CNGA1: variants seen among roughly 807,000 people sequenced by gnomAD.
The protein encoded by CNGA1 is cyclic nucleotide-gated channel alpha-1.
Under a neutral mutation model 69.7 loss-of-function variants are expected in CNGA1, and 53 were observed. The ratio of observed to expected loss-of-function variants is 0.76; its 90% CI spans 0.61 to 0.96. CNGA1 has a LOEUF of 0.96. Among genes scored for constraint, CNGA1 ranks in the 40% least tolerant of loss-of-function variants. The pLI is 0.00. For missense variants in CNGA1, 739 were observed against 811.2 expected (o/e 0.91, Z 1.08); for synonymous variants, 249 against 283.5 (o/e 0.88, Z 1.22).
At chr4:48,013,163 G>T (rs754449148) in intron 1 of CNGA1, among the ~76,000 whole-genome samples, 1 of 152,142 alleles carries the variant, frequency 6.6e-6, no homozygotes, top group African/African-American at 2.4e-5. Flanking sequence ...TTGTCCTATT[G>T]GTTTGAGCTG....
At chr4:47,938,632 C>T (rs542259423) in intron 10 of CNGA1, among the ~76,000 whole-genome samples, 184 of 152,236 alleles carry the variant, frequency 1.2e-3, no homozygotes, top group Non-Finnish European at 2.0e-3. Context: ...ACCTCGTGAT[C>T]CACCTGCCTT....
intron 2 of CNGA1, among the ~76,000 whole-genome samples, chr4:48,006,418 C>T (rs372090588): frequency 4.6e-5 from 7 of 151,976 alleles, no homozygotes; most frequent in African/African-American, 7.3e-5. Flanking sequence ...TACACTAAGT[C>T]GTATCAGAAT....
chr4:48,012,955 C>CA (rs1209066560), intron 1 of CNGA1: 2,094 of 146,374 alleles, frequency 0.014, 37 homozygotes, highest in African/African-American at 0.049. Flanking sequence ...CAAAACAAAA[C>CA]AAAAAAAAAA....
At chr4:47,992,657 A>ATTATTCAT (rs1742320256) in intron 2 of CNGA1, among the ~76,000 whole-genome samples, 1 of 145,256 alleles carries the variant, frequency 6.9e-6, no homozygotes, top group Non-Finnish European at 1.5e-5. Flanking sequence ...GATGCCATTT[A>ATTATTCAT]TTATTTATTT....
chr4:47,958,712 T>C (rs937540371), intron 3 of CNGA1, among the ~76,000 whole-genome samples: 2 of 152,048 alleles, frequency 1.3e-5, no homozygotes, highest in Non-Finnish European at 2.9e-5. Flanking sequence ...CGTCTACCTC[T>C]CTACACACTG....
At chr4:47,996,076 T>A (rs1742466818) in intron 2 of CNGA1, among the ~76,000 whole-genome samples, 1 of 152,192 alleles carries the variant, frequency 6.6e-6, no homozygotes, top group Admixed American at 6.6e-5. Flanking sequence ...ATCCACTTCC[T>A]TCAGAGAGGT....
At position 47,950,040 on chromosome 4, in the gene CNGA1, T is replaced by C; in HGVS notation, c.225-145A>G. The stretch of plus-strand genomic sequence containing the variant: ...GTAGATGATAGATATTTCAAAAACA[T>C]ATTATGAAGCATAAAGCATAAAAGT... On this transcript the variant is annotated intron_variant, in intron 5 of 10. Transcript: ENST00000514170. The C allele has an allele frequency of 4.2e-6, 3 of 712,940 alleles. No homozygotes were observed. In the South Asian group the frequency reaches 5.1e-5, roughly 12 times the overall value. 44.2% of individuals were successfully genotyped at this position (712,940 alleles called of 1,614,324 possible). A position where few individuals can be genotyped will look rare whatever the true frequency, so the allele number is the denominator to read the frequency against.
At chr4:48,000,187 A>G (rs559948523) in intron 2 of CNGA1, among the ~76,000 whole-genome samples, 8 of 152,154 alleles carry the variant, frequency 5.3e-5, no homozygotes, top group Non-Finnish European at 1.0e-4. Flanking sequence ...TTGGATCAAC[A>G]TGTGTAATTG....
intron 3 of CNGA1, among the ~76,000 whole-genome samples, chr4:47,960,064 C>A (rs966442217): frequency 6.6e-6 from 1 of 151,966 alleles, no homozygotes; most frequent in African/African-American, 2.4e-5. Context: ...AAATTTTATG[C>A]AAATCAACCA....
Position 47,937,417 on chromosome 4 carries a change from A to T in CNGA1, c.1065T>A (p.Thr355=). The T allele has an allele frequency of 6.2e-7, 1 of 1,614,210 alleles. No homozygotes were observed. Among genetic ancestry groups the T allele is most frequent in the Non-Finnish European group, 8.5e-7 (1 of 1,180,038 alleles). ...GGGGTGTTTCACCAATGGTAGTCAAAGTCAGTGTAGACCAGTAAAGGCTGT... is the reference window on the plus strand; with the variant it reads ...GGGGTGTTTCACCAATGGTAGTCAATGTCAGTGTAGACCAGTAAAGGCTGT... ...YVYSLYWSTL[T]LTTIGETPPP... Residue 355 remains threonine (T), a synonymous_variant, in exon 11 of 11, where the codon ACT becomes ACA. Transcript: ENST00000514170.
chr4:47,940,888 T>TAA lies in CNGA1; in HGVS notation c.546-20_546-19insTT. 3 of 1,511,848 alleles carry TAA rather than the reference T, an allele frequency of 2.0e-6. No homozygotes were observed. In the South Asian group the frequency reaches 3.5e-5, roughly 18 times the overall value. The allele number at this position is 1,511,848 out of a possible 1,614,324, so 93.7% of individuals were successfully genotyped here. A position where few individuals can be genotyped will look rare whatever the true frequency, so the allele number is the denominator to read the frequency against. ...ACATGCTCTATAAAAAAAGAAACAC[T>TAA]TGTATAAATAAAAAAGAAATGGGGG... On this transcript the variant is annotated intron_variant, in intron 9 of 10. Transcript: ENST00000514170.
intron 6 of CNGA1, among the ~76,000 whole-genome samples, chr4:47,946,963 T>C (rs1213122324): frequency 6.6e-6 from 1 of 152,138 alleles, no homozygotes; most frequent in African/African-American, 2.4e-5. Context: ...TTTGTATTTT[T>C]AGTAGAAATG....
At chr4:48,005,080 C>A (rs911084061) in intron 2 of CNGA1, among the ~76,000 whole-genome samples, 1 of 151,122 alleles carries the variant, frequency 6.6e-6, no homozygotes, top group Non-Finnish European at 1.5e-5. Flanking sequence ...AAAGACAAAT[C>A]GTGGTTGGAC....
intron 3 of CNGA1, among the ~76,000 whole-genome samples, chr4:47,976,235 A>G (rs1210281410): frequency 1.0e-4 from 6 of 59,308 alleles, no homozygotes; most frequent in Admixed American, 2.1e-4. Flanking sequence ...ATATATACAT[A>G]TATATGTATA....
chr4:47,949,825 A>G lies in CNGA1; in HGVS notation c.287+8T>C, dbSNP rs751790836. ...AAAACTTTGGTTTTCTATTGTAAAT[A>G]TACTTACTGGTCCTTATTGCTGCTG... On this transcript the variant is annotated splice_region_variant and intron_variant, in intron 6 of 10. Coordinates refer to ENST00000514170, the MANE Select transcript of CNGA1 (RefSeq NM_001379270.1). 1.9e-6 allele frequency: 3 copies of G among 1,612,766 alleles called. No individual in the cohort carries two copies. Among genetic ancestry groups the G allele is most frequent in the Non-Finnish European group, 2.5e-6 (3 of 1,178,826 alleles).
intron 1 of CNGA1, among the ~76,000 whole-genome samples, chr4:48,014,050 C>G (rs1560318745): frequency 6.6e-6 from 1 of 152,192 alleles, no homozygotes; most frequent in African/African-American, 2.4e-5. Context: ...TCTAAGTGTC[C>G]TAGCACAAAG....
chr4:47,966,830 A>G (rs2110189035), intron 3 of CNGA1, among the ~76,000 whole-genome samples: 1 of 152,376 alleles, frequency 6.6e-6, no homozygotes, highest in African/African-American at 2.4e-5. Context: ...AAGATTCACA[A>G]TAATAATGAC....
At chr4:47,974,890 A>G (rs937773079) in intron 3 of CNGA1, among the ~76,000 whole-genome samples, 1 of 152,088 alleles carries the variant, frequency 6.6e-6, no homozygotes, top group Non-Finnish European at 1.5e-5. Flanking sequence ...TGACAAAAAA[A>G]TCTTTCTGAG....
chr4:47,999,068 A>G (rs1714537838), intron 2 of CNGA1, among the ~76,000 whole-genome samples: 2 of 152,246 alleles, frequency 1.3e-5, no homozygotes, highest in Non-Finnish European at 2.9e-5. Context: ...GCATTGTATC[A>G]TCTCATATCA....
Sources: allele counts gnomAD v4.1 joint callset (sites outside exome capture counted in the v4.1 genomes callset), GRCh38; gene constraint gnomAD v4.1.1; transcripts MANE v1.5; gene names NCBI Gene and HGNC (gene_info 2026-07-23, HGNC 2026-07-21).